The following XKR4 variants were observed in gnomAD, a reference collection of about 807,000 sequenced individuals.
XKR4 encodes the protein XK related 4.
In XKR4, 12 loss-of-function variants were observed where a neutral mutation model predicts 53.9. The ratio of observed to expected loss-of-function variants is 0.22; its 90% CI spans 0.14 to 0.36. The LOEUF (loss-of-function observed/expected upper bound fraction) is 0.36, where lower values mean the gene tolerates loss of function less well. Among genes scored for constraint, XKR4 ranks in the 10% least tolerant of loss-of-function variants. The pLI is 1.00. For synonymous variants in XKR4, 354 were observed against 362.4 expected (o/e 0.98, Z 0.26); for missense variants, 799 against 859.5 (o/e 0.93, Z 0.88).
In XKR4 at chr8:55,102,983, C is replaced by T. The variant is rs774418536; in HGVS notation, c.495C>T (p.Arg165=). 2 of 1,611,988 alleles carry T rather than the reference C, an allele frequency of 1.2e-6. No individual in the cohort carries two copies. The highest frequency in any genetic ancestry group is 1.1e-5 in the South Asian group (1 of 91,058). ...TGTCGGTGCAAGTGTTCAGCTTCCG[C>T]TGGTTTGTGCACGATTTCAGCACCG... ...GSLSVQVFSF[R]WFVHDFSTED... is the part of the protein sequence containing the mutation. Residue 165 remains arginine, a synonymous_variant, in exon 1 of 3, where the codon CGC becomes CGT. Coordinates refer to ENST00000327381, the MANE Select transcript of XKR4 (RefSeq NM_052898.2). The surrounding 1 kb of genome is among the most constrained non-coding windows in gnomAD (Gnocchi z 5.1).
chr8:55,289,711 AAG>A lies in XKR4; in HGVS notation c.807-67959_807-67958del, dbSNP rs1164914071. Among the ~76,000 whole-genome samples the A allele has an allele frequency of 1.4e-3, 142 of 104,750 alleles. 1 individual carries two copies. Among genetic ancestry groups the A allele is most frequent in the African/African-American group, 3.7e-3 (128 of 34,780 alleles). 68.7% of individuals were successfully genotyped at this position (104,750 alleles called of 152,430 possible). On this transcript the variant is annotated intron_variant, in intron 1 of 2. Transcript: ENST00000327381. ...AGAAAGAAAGAGAAAGAAAGAAAGA[AAG>A]AGAGAGAAAGAGAAAGAAAGAAAGA... is the stretch of plus-strand genomic sequence containing the variant.
intron 1 of XKR4, among the ~76,000 whole-genome samples, chr8:55,117,771 A>G (rs938582890): frequency 3.9e-5 from 6 of 152,160 alleles, no homozygotes; most frequent in African/African-American, 1.4e-4. Flanking sequence ...TCCAAGACTC[A>G]CCTGGAGAAG....
At chr8:55,320,279 T>C (rs1009059013) in intron 1 of XKR4, among the ~76,000 whole-genome samples, 2 of 152,216 alleles carry the variant, frequency 1.3e-5, no homozygotes, top group Admixed American at 6.5e-5. Context: ...GCTTGACTTC[T>C]GTACAACCTC....
intron 1 of XKR4, among the ~76,000 whole-genome samples, chr8:55,130,237 T>C (rs941288906): frequency 2.0e-5 from 2 of 102,358 alleles, no homozygotes; most frequent in African/African-American, 5.8e-5. Flanking sequence ...TGTTATCTGC[T>C]ACAAAAAAAG....
In XKR4 at chr8:55,446,645, G is replaced by A. The variant is rs1008206786; in HGVS notation, c.1007-76636G>A. Among the ~76,000 whole-genome samples the A allele has an allele frequency of 9.9e-5, 15 of 152,230 alleles. No homozygotes were observed. The East Asian group carries it at 1.9e-3, about 20-fold the overall frequency. On this transcript the variant is annotated intron_variant, in intron 2 of 2. Transcript: ENST00000327381. Reference sequence around the variant, plus strand: ...ATTACAGGCGTGAGCTACTGTGCCCGGCTAACTGACCAATTTCAAGAGGGG... The same window carrying A: ...ATTACAGGCGTGAGCTACTGTGCCCAGCTAACTGACCAATTTCAAGAGGGG...
intron 1 of XKR4, among the ~76,000 whole-genome samples, chr8:55,335,214 AAGAAGC>A (rs1369526898): frequency 6.6e-6 from 1 of 152,246 alleles, no homozygotes; most frequent in East Asian, 1.9e-4. Context: ...AAGGAAACCC[AAGAAGC>A]AGAAATCTAA....
At chr8:55,238,280 A>G (rs1818162031) in intron 1 of XKR4, among the ~76,000 whole-genome samples, 1 of 152,204 alleles carries the variant, frequency 6.6e-6, no homozygotes, top group Non-Finnish European at 1.5e-5. Context: ...CTGCTGGTTT[A>G]GCTGCACCAT....
At chr8:55,478,906 C>T (rs1323304210) in intron 2 of XKR4, among the ~76,000 whole-genome samples, 7 of 152,040 alleles carry the variant, frequency 4.6e-5, no homozygotes, top group Admixed American at 3.3e-4. Context: ...AAAGCAAGTC[C>T]TTAGTGACAT....
At chr8:55,288,301 T>C (rs1021914697) in intron 1 of XKR4, among the ~76,000 whole-genome samples, 1 of 152,222 alleles carries the variant, frequency 6.6e-6, no homozygotes, top group Non-Finnish European at 1.5e-5. Context: ...TTACAATGCC[T>C]AGTGACTTAA....
At chr8:55,412,779 G>A (rs1804794433) in intron 2 of XKR4, among the ~76,000 whole-genome samples, 1 of 152,224 alleles carries the variant, frequency 6.6e-6, no homozygotes, top group Non-Finnish European at 1.5e-5. Context: ...TTCCCACCAT[G>A]TGTGTGCAAT....
chr8:55,315,465 G>T (rs1819459413), intron 1 of XKR4, among the ~76,000 whole-genome samples: 1 of 152,148 alleles, frequency 6.6e-6, no homozygotes, highest in Non-Finnish European at 1.5e-5. Flanking sequence ...GCTGTTGCTG[G>T]CACTCCCACG....
intron 1 of XKR4, among the ~76,000 whole-genome samples, chr8:55,333,009 A>G (rs1426898315): frequency 4.0e-5 from 6 of 151,614 alleles, no homozygotes; most frequent in African/African-American, 1.5e-4. Context: ...TCTGCTGTTG[A>G]ACCCTCTGGT....
intron 2 of XKR4, among the ~76,000 whole-genome samples, chr8:55,386,053 C>A (rs1804308736): frequency 6.6e-6 from 1 of 152,160 alleles, no homozygotes; most frequent in African/African-American, 2.4e-5. Context: ...GTCTGAAGCC[C>A]TGTGAAATGG....
At chr8:55,510,144 T>A (rs1384408412) in intron 2 of XKR4, among the ~76,000 whole-genome samples, 2 of 151,490 alleles carry the variant, frequency 1.3e-5, no homozygotes. Context: ...TCAGGGAAGG[T>A]CAATACTGCA....
intron 2 of XKR4, chr8:55,452,942 C>T: frequency 1.3e-6 from 1 of 785,722 alleles, no homozygotes. Flanking sequence ...CCTCCTTCTG[C>T]ATCAGCTCCT....
intron 1 of XKR4, among the ~76,000 whole-genome samples, chr8:55,112,191 A>T (rs1486518734): frequency 6.6e-6 from 1 of 152,252 alleles, no homozygotes; most frequent in Middle Eastern, 3.2e-3. Flanking sequence ...TTTATGATTC[A>T]TAAGTAGGCT....
rs369473789 is a variant in XKR4, at chr8:55,360,036, G to A, written c.1006+2159G>A. On this transcript the variant is annotated intron_variant, in intron 2 of 2. Coordinates refer to ENST00000327381, the MANE Select transcript of XKR4 (RefSeq NM_052898.2). The stretch of plus-strand genomic sequence containing the variant: ...CTGTCAAGTTTCAGAATGGCGTAGG[G>A]AAACTAGGTTCTGTTTCACTCCAAA... Among the ~76,000 whole-genome samples the A allele has an allele frequency of 7.9e-5, 12 of 152,294 alleles. No homozygotes were observed. The East Asian group carries it at 2.3e-3, about 29-fold the overall frequency.
intron 1 of XKR4, among the ~76,000 whole-genome samples, chr8:55,279,897 G>A (rs750494515): frequency 1.3e-5 from 2 of 152,160 alleles, no homozygotes; most frequent in Non-Finnish European, 2.9e-5. Flanking sequence ...CCATACATTT[G>A]CTCTTCTCTT....
chr8:55,162,556 G>A (rs975258509), intron 1 of XKR4, among the ~76,000 whole-genome samples: 4 of 152,158 alleles, frequency 2.6e-5, no homozygotes, highest in Non-Finnish European at 5.9e-5. Flanking sequence ...TTTACTCAAA[G>A]CATGGTACAT....
Sources: gnomAD v4.1 joint callset for allele counts (sites outside exome capture counted in the v4.1 genomes callset) on GRCh38, gnomAD v4.1.1 for gene constraint, Gnocchi (gnomAD v3.1) non-coding constraint, MANE v1.5 for transcripts, NCBI Gene and HGNC (gene_info 2026-07-23, HGNC 2026-07-21) for gene names.